Variants in FARP2 observed in about 807,000 individuals in gnomAD.
FARP2 encodes FERM, ARHGEF and pleckstrin domain-containing protein 2.
FARP2 carries 111 observed loss-of-function variants against 130.5 expected under a neutral mutation model. The observed-to-expected ratio is 0.85, with a 90% confidence interval of 0.73 to 1.00. FARP2 has a LOEUF of 1.00. Among genes scored for constraint, FARP2 ranks in the 50% least tolerant of loss-of-function variants. The pLI is 0.00. For missense variants in FARP2, 1,385 were observed against 1,346.3 expected (o/e 1.03, Z -0.45); for synonymous variants, 504 against 516.9 (o/e 0.98, Z 0.34).
intron 12 of FARP2, among the ~76,000 whole-genome samples, chr2:241,438,748 G>A (rs181942142): frequency 1.0e-3 from 152 of 150,606 alleles, no homozygotes; most frequent in Non-Finnish European, 1.7e-3. Flanking sequence ...TCCTGCCTCA[G>A]CCTCCTGAGT....
intron 5 of FARP2, among the ~76,000 whole-genome samples, chr2:241,409,924 C>G (rs1251877376): frequency 6.6e-6 from 1 of 151,984 alleles, no homozygotes; most frequent in East Asian, 1.9e-4. Context: ...GAATATTAGT[C>G]TAGGAAAGTT....
At chr2:241,412,961 G>A (rs2062560330) in intron 6 of FARP2, among the ~76,000 whole-genome samples, 1 of 152,154 alleles carries the variant, frequency 6.6e-6, no homozygotes, top group African/African-American at 2.4e-5. Flanking sequence ...CCAGAAGGTT[G>A]AGGCTGCAGT....
chr2:241,388,788 A>G (rs1323167955), intron 2 of FARP2, among the ~76,000 whole-genome samples: 1 of 151,762 alleles, frequency 6.6e-6, no homozygotes, highest in Admixed American at 6.6e-5. Flanking sequence ...TGATCATGCC[A>G]CTGCACTCCA....
At chr2:241,438,667 T>C (rs2150410733) in intron 12 of FARP2, among the ~76,000 whole-genome samples, 1 of 150,334 alleles carries the variant, frequency 6.7e-6, no homozygotes, top group Middle Eastern at 3.4e-3. Context: ...TCTCGCTCTG[T>C]CGCCCAGGCT....
At chr2:241,431,546 T>C in intron 8 of FARP2, 133 bp from the exon 9 acceptor site, 1 of 593,618 alleles carries the variant, frequency 1.7e-6, no homozygotes. Context: ...TTAAGTCAGC[T>C]ATCTCAGATA....
chr2:241,409,320 T>TG (rs1394691584), intron 5 of FARP2, among the ~76,000 whole-genome samples: 1 of 151,644 alleles, frequency 6.6e-6, no homozygotes, highest in African/African-American at 2.4e-5. Flanking sequence ...GACGCCAAGG[T>TG]GGGGGGATCA....
intron 17 of FARP2, among the ~76,000 whole-genome samples, chr2:241,464,542 C>T (rs115495988): frequency 2.5e-5 from 3 of 118,940 alleles, no homozygotes; most frequent in Admixed American, 1.6e-4. Context: ...GAGCAGAGTC[C>T]CCCCTAAAGC....
chr2:241,465,839 A>G, intron 17 of FARP2: 1 of 1,535,444 alleles, frequency 6.5e-7, no homozygotes, highest in South Asian at 1.2e-5. Context: ...TCACACCTAG[A>G]GTTCCCAAGG....
intron 5 of FARP2, among the ~76,000 whole-genome samples, chr2:241,410,020 C>CA (rs1294911910): frequency 1.3e-5 from 2 of 152,096 alleles, no homozygotes; most frequent in African/African-American, 4.8e-5. Context: ...TGCACTGGGG[C>CA]ATGAATTCCA....
intron 1 of FARP2, among the ~76,000 whole-genome samples, chr2:241,366,140 C>CGTATATATAT (rs1559702356): frequency 5.6e-5 from 1 of 17,992 alleles, no homozygotes; most frequent in Non-Finnish European, 1.2e-4. Context: ...TATATATATA[C>CGTATATATAT]ACACACACAT....
At chr2:241,391,845 T>C (rs901065878) in intron 2 of FARP2, among the ~76,000 whole-genome samples, 3 of 152,004 alleles carry the variant, frequency 2.0e-5, no homozygotes, top group Admixed American at 1.3e-4. Context: ...GAGAATACCA[T>C]TGAATCGTTC....
chr2:241,406,968 C>T (rs1039193742), intron 4 of FARP2, among the ~76,000 whole-genome samples: 4 of 152,058 alleles, frequency 2.6e-5, no homozygotes, highest in Admixed American at 2.0e-4. Context: ...CCACCACGCC[C>T]GGCTAATTTT....
intron 2 of FARP2, among the ~76,000 whole-genome samples, chr2:241,400,087 T>C (rs2062128818): frequency 6.6e-6 from 1 of 152,222 alleles, no homozygotes; most frequent in South Asian, 2.1e-4. Context: ...GCGTGGTTAG[T>C]GTCTATCGCC....
At chr2:241,476,699 TAAATA>T (rs961406290) in intron 19 of FARP2, among the ~76,000 whole-genome samples, 62 of 151,968 alleles carry the variant, frequency 4.1e-4, no homozygotes, top group African/African-American at 9.7e-4. Flanking sequence ...CAAAATAAAA[TAAATA>T]AAATAAAATA....
intron 21 of FARP2, among the ~76,000 whole-genome samples, chr2:241,485,795 C>G (rs2064738075): frequency 6.7e-6 from 1 of 148,502 alleles, no homozygotes; most frequent in African/African-American, 2.5e-5. Flanking sequence ...TGGTCTTCCT[C>G]CCCCAGGGCC....
intron 1 of FARP2, among the ~76,000 whole-genome samples, chr2:241,356,795 C>A (rs374124903): frequency 5.5e-4 from 84 of 152,344 alleles, no homozygotes; most frequent in African/African-American, 1.9e-3. Flanking sequence ...CGGAAGGACA[C>A]CCCAGAGTGG....
At chr2:241,488,118 CAA>C (rs1398878826) in intron 21 of FARP2, 1 of 152,110 alleles carries the variant, frequency 6.6e-6, no homozygotes, top group African/African-American at 2.4e-5. Context: ...TATTTTATAA[CAA>C]AGTGTTGAAT....
At chr2:241,407,198 C>CA in intron 4 of FARP2, among the ~76,000 whole-genome samples, 1 of 152,094 alleles carries the variant, frequency 6.6e-6, no homozygotes, top group Non-Finnish European at 1.5e-5. Flanking sequence ...ACTTGGGACT[C>CA]ATAAATTCAT....
chr2:241,425,893 T>C (rs2062927409), intron 8 of FARP2, among the ~76,000 whole-genome samples: 1 of 151,716 alleles, frequency 6.6e-6, no homozygotes, highest in Admixed American at 6.6e-5. Flanking sequence ...ACAGTTTTAT[T>C]ATTACTCAAA....
Sources: gnomAD v4.1 joint callset for allele counts (sites outside exome capture counted in the v4.1 genomes callset) on GRCh38, gnomAD v4.1.1 for gene constraint, MANE v1.5 for transcripts, NCBI Gene and HGNC (gene_info 2026-07-23, HGNC 2026-07-21) for gene names.